Variants in XKR4 observed in about 807,000 individuals in gnomAD.
XKR4 encodes XK related 4.
Under a neutral mutation model 53.9 loss-of-function variants are expected in XKR4, and 12 were observed. The observed-to-expected ratio is 0.22, with a 90% CI of 0.14 to 0.36. The LOEUF is 0.36. Ranked by LOEUF, XKR4 falls within the 10% of genes least tolerant of loss-of-function variation. XKR4 has a pLI of 1.00. For missense variants in XKR4, 799 were observed against 859.5 expected, an observed-to-expected ratio of 0.93 and a Z score of 0.88; for synonymous variants, 354 against 362.4, an observed-to-expected ratio of 0.98 and a Z score of 0.26.
At chr8:55,189,906 G>A (rs1817423137) in intron 1 of XKR4, among the ~76,000 whole-genome samples, 1 of 152,204 alleles carries the variant, frequency 6.6e-6, no homozygotes, top group African/African-American at 2.4e-5. Flanking sequence ...AGGCACTTCT[G>A]TCACATTTCA....
chr8:55,113,700 G>T (rs1391430132), intron 1 of XKR4, among the ~76,000 whole-genome samples: 1 of 152,144 alleles, frequency 6.6e-6, no homozygotes, highest in South Asian at 2.1e-4. Context: ...TACCCAATAG[G>T]TGGCATTTCA....
intron 2 of XKR4, among the ~76,000 whole-genome samples, chr8:55,463,959 G>A (rs1424932155): frequency 6.6e-6 from 1 of 152,042 alleles, no homozygotes; most frequent in Non-Finnish European, 1.5e-5. Context: ...ACCAATAACA[G>A]GCTCTGAAAT....
intron 2 of XKR4, among the ~76,000 whole-genome samples, chr8:55,496,328 C>A (rs935008444): frequency 2.0e-5 from 3 of 152,048 alleles, no homozygotes; most frequent in Non-Finnish European, 1.5e-5. Context: ...TCTGATAATG[C>A]AAATATCTCT....
chr8:55,399,767 G>A (rs1480231029), intron 2 of XKR4, among the ~76,000 whole-genome samples: 1 of 152,204 alleles, frequency 6.6e-6, no homozygotes, highest in Non-Finnish European at 1.5e-5. Context: ...CTACATAGGA[G>A]GGCTGGGCAA....
intron 1 of XKR4, among the ~76,000 whole-genome samples, chr8:55,260,872 G>A (rs1322369060): frequency 6.6e-6 from 1 of 152,206 alleles, no homozygotes. Flanking sequence ...CCTGGTCCCA[G>A]GTAGCCTTTT....
At chr8:55,329,251 T>C (rs1803346844) in intron 1 of XKR4, among the ~76,000 whole-genome samples, 1 of 152,172 alleles carries the variant, frequency 6.6e-6, no homozygotes, top group Admixed American at 6.6e-5. Context: ...AGACTACAGT[T>C]CCAAATTAGC....
chr8:55,382,586 G>A (rs896567005), intron 2 of XKR4, among the ~76,000 whole-genome samples: 7 of 152,126 alleles, frequency 4.6e-5, no homozygotes, highest in Non-Finnish European at 8.8e-5. Flanking sequence ...TTTGATTCTG[G>A]AAAATCTCAA....
intron 2 of XKR4, among the ~76,000 whole-genome samples, chr8:55,479,707 T>C (rs933721462): frequency 1.3e-5 from 2 of 151,964 alleles, no homozygotes; most frequent in African/African-American, 4.8e-5. Context: ...ATAAAAATGA[T>C]AAAGGGGATA....
intron 2 of XKR4, among the ~76,000 whole-genome samples, chr8:55,514,873 A>AT (rs959534946): frequency 6.6e-6 from 1 of 152,104 alleles, no homozygotes; most frequent in African/African-American, 2.4e-5. Flanking sequence ...CATTTACAGA[A>AT]TTTTTTTCTC....
At chr8:55,462,117 C>T (rs1316845043) in intron 2 of XKR4, among the ~76,000 whole-genome samples, 1 of 152,122 alleles carries the variant, frequency 6.6e-6, no homozygotes, top group East Asian at 1.9e-4. Flanking sequence ...TCAGAAAATA[C>T]AGAGAATGTC....
chr8:55,408,364 G>C (rs1804720703), intron 2 of XKR4, among the ~76,000 whole-genome samples: 1 of 152,182 alleles, frequency 6.6e-6, no homozygotes, highest in South Asian at 2.1e-4. Flanking sequence ...GGAAACAAAA[G>C]ACAAAGCATG....
At chr8:55,207,968 TCCAG>T (rs928734547) in intron 1 of XKR4, among the ~76,000 whole-genome samples, 7 of 152,206 alleles carry the variant, frequency 4.6e-5, no homozygotes, top group African/African-American at 1.7e-4. Context: ...CCCACAAACT[TCCAG>T]CTACCTTGTT....
chr8:55,447,510 A>G (rs2622589), intron 2 of XKR4, among the ~76,000 whole-genome samples: 24,790 of 152,216 alleles, frequency 0.16, 2,453 homozygotes, highest in East Asian at 0.41. Context: ...TTTCCATTCA[A>G]CAAGTGTTTT....
At chr8:55,454,831 C>T (rs545777024) in intron 2 of XKR4, 6 of 762,864 alleles carry the variant, frequency 7.9e-6, no homozygotes, top group South Asian at 4.2e-5. Context: ...TGCGTAAGGC[C>T]TCCCTCATCC....
At chr8:55,166,129 A>G (rs1219763723) in intron 1 of XKR4, among the ~76,000 whole-genome samples, 1 of 152,218 alleles carries the variant, frequency 6.6e-6, no homozygotes, top group Non-Finnish European at 1.5e-5. Flanking sequence ...GGGAGGAAGT[A>G]ATGATACTGG....
intron 2 of XKR4, among the ~76,000 whole-genome samples, chr8:55,490,071 C>T (rs1806250074): frequency 6.6e-6 from 1 of 152,218 alleles, no homozygotes; most frequent in Admixed American, 6.5e-5. Flanking sequence ...CTAATCTTTA[C>T]CATTTCTGAC....
At chr8:55,130,821 T>C (rs1465601502) in intron 1 of XKR4, among the ~76,000 whole-genome samples, 1 of 152,192 alleles carries the variant, frequency 6.6e-6, no homozygotes, top group Non-Finnish European at 1.5e-5. Context: ...ACATAATCTA[T>C]TGACCTTTCA....
At chr8:55,237,012 C>T (rs1421064444) in intron 1 of XKR4, among the ~76,000 whole-genome samples, 1 of 152,216 alleles carries the variant, frequency 6.6e-6, no homozygotes, top group Non-Finnish European at 1.5e-5. Context: ...CCCATGTCCC[C>T]TCTGGTTGTG....
intron 2 of XKR4, among the ~76,000 whole-genome samples, chr8:55,461,398 C>G (rs377081559): frequency 6.6e-6 from 1 of 152,206 alleles, no homozygotes; most frequent in Non-Finnish European, 1.5e-5. Context: ...CTGCAACAGA[C>G]CTGCAGCTGA....
Sources: allele counts gnomAD v4.1 joint callset (sites outside exome capture counted in the v4.1 genomes callset), GRCh38; gene constraint gnomAD v4.1.1; transcripts MANE v1.5; gene names NCBI Gene and HGNC (gene_info 2026-07-23, HGNC 2026-07-21).